WWP2: variants seen among roughly 807,000 people sequenced by gnomAD.
WWP2 encodes the protein WW domain containing E3 ubiquitin protein ligase 2, also known as NEDD4-like E3 ubiquitin-protein ligase WWP2.
In WWP2, 57 loss-of-function variants were observed where a neutral mutation model predicts 121.0. That is an observed-to-expected ratio of 0.47 (90% confidence interval 0.38 to 0.59). The LOEUF (loss-of-function observed/expected upper bound fraction) is 0.59. WWP2 is among the 20% of genes least tolerant of loss of function. The pLI, the probability that WWP2 is intolerant of heterozygous loss-of-function variation, is 0.00. For synonymous variants in WWP2, 449 were observed against 441.3 expected, an observed-to-expected ratio of 1.02 and a Z score of -0.22; for missense variants, 962 against 1,158.9, an observed-to-expected ratio of 0.83 and a Z score of 2.47.
chr16:69,893,067 A>T (rs2058053950), intron 8 of WWP2, among the ~76,000 whole-genome samples: 1 of 152,134 alleles, frequency 6.6e-6, no homozygotes, highest in Non-Finnish European at 1.5e-5. Context: ...CTCTCTCCGG[A>T]CTTAGGATCC....
chr16:69,857,093 A>G (rs1004794160), intron 6 of WWP2, among the ~76,000 whole-genome samples: 3 of 151,704 alleles, frequency 2.0e-5, no homozygotes, highest in African/African-American at 7.3e-5. Context: ...CCCATCTTTG[A>G]CTAACTTTCC....
chr16:69,906,300 C>G (rs369263991), intron 8 of WWP2, among the ~76,000 whole-genome samples: 1 of 152,080 alleles, frequency 6.6e-6, no homozygotes, highest in East Asian at 1.9e-4. Context: ...TCTTGATCTC[C>G]TGACCTTGTG....
chr16:69,775,841 A>C (rs1256046744), intron 1 of WWP2, among the ~76,000 whole-genome samples: 1 of 152,200 alleles, frequency 6.6e-6, no homozygotes, highest in Non-Finnish European at 1.5e-5. Context: ...AAATGAGATA[A>C]ATAGTCCATT....
chr16:69,839,990 G>A (rs921357198), intron 4 of WWP2, 136 bp from the exon 5 acceptor site: 12 of 1,275,814 alleles, frequency 9.4e-6, no homozygotes, highest in East Asian at 7.1e-5. Context: ...TCCATGCCAC[G>A]AGGCAAAATG....
At chr16:69,772,680 C>T (rs895630978) in intron 1 of WWP2, among the ~76,000 whole-genome samples, 20 of 152,080 alleles carry the variant, frequency 1.3e-4, no homozygotes, top group Non-Finnish European at 2.6e-4. Flanking sequence ...TGGGGCATTA[C>T]CATGGCATTG....
At position 69,794,505 on chromosome 16, in the gene WWP2, G is replaced by A. The variant is rs373645682; in HGVS notation, c.71-4177G>A. On this transcript the variant is annotated intron_variant, in intron 2 of 23. Transcript: ENST00000359154. ...GATTGCACCACTGCACTCCAGCCTG[G>A]GCAGCAGAGGGAGACCCGGTCTCAA... Among the ~76,000 whole-genome samples, 14 of 152,094 alleles carry A rather than the reference G, an allele frequency of 9.2e-5. No individual in the cohort carries two copies. The South Asian group carries it at 2.9e-3, about 32-fold the overall frequency.
chr16:69,800,923 C>T (rs867462536), intron 4 of WWP2, among the ~76,000 whole-genome samples: 47 of 149,062 alleles, frequency 3.2e-4, no homozygotes, highest in African/African-American at 9.3e-4. Context: ...TGGTAGCTCA[C>T]GCCTGTAATC....
At chr16:69,923,628 T>C (rs867691886) in intron 10 of WWP2, among the ~76,000 whole-genome samples, 2 of 152,262 alleles carry the variant, frequency 1.3e-5, no homozygotes, top group South Asian at 2.1e-4. Context: ...TTACAGATGA[T>C]CTACTGACTC....
chr16:69,772,135 A>AT (rs1481211879), intron 1 of WWP2, among the ~76,000 whole-genome samples: 3 of 150,648 alleles, frequency 2.0e-5, no homozygotes, highest in East Asian at 3.9e-4. Context: ...CTAATTTTGT[A>AT]TTTTTAGTAA....
chr16:69,822,613 T>G (rs1291208793), intron 4 of WWP2, among the ~76,000 whole-genome samples: 1 of 151,938 alleles, frequency 6.6e-6, no homozygotes, highest in East Asian at 1.9e-4. Flanking sequence ...AAGTGACACC[T>G]GGACACCAGA....
At chr16:69,889,146 T>TACACAC (rs143311481) in intron 8 of WWP2, among the ~76,000 whole-genome samples, 130 of 146,242 alleles carry the variant, frequency 8.9e-4, no homozygotes, top group African/African-American at 2.9e-3. Flanking sequence ...ATATCCTGCC[T>TACACAC]ACACACACAC....
intron 6 of WWP2, among the ~76,000 whole-genome samples, chr16:69,868,671 A>G (rs934708383): frequency 4.8e-5 from 7 of 145,306 alleles, no homozygotes; most frequent in East Asian, 4.0e-4. Flanking sequence ...GCACACACAC[A>G]CACACACACA....
intron 9 of WWP2, chr16:69,909,816 A>G: frequency 3.4e-6 from 2 of 590,482 alleles, no homozygotes; most frequent in Non-Finnish European, 2.1e-6. Flanking sequence ...ATAATGTTAC[A>G]AACCCCCACA....
chr16:69,838,827 C>T, intron 4 of WWP2: 1 of 985,450 alleles, frequency 1.0e-6, no homozygotes, highest in Non-Finnish European at 1.2e-6. Context: ...TTGGAGAGAT[C>T]CATGGCAGGG....
At position 69,939,019 on chromosome 16, in the gene WWP2, A is replaced by G; in HGVS notation, c.2344-8A>G. ...TGCCTGACTGTGCCTTGACTTGCGG[A>G]CTTCCAGGTGGTGAAGGAGATGGAC... On this transcript the variant is annotated splice_region_variant and splice_polypyrimidine_tract_variant and intron_variant, in intron 21 of 23. Transcript: ENST00000359154. The G allele has an allele frequency of 6.3e-7, 1 of 1,595,896 alleles. No individual in the cohort carries two copies. Among genetic ancestry groups the G allele is most frequent in the Non-Finnish European group, 8.5e-7 (1 of 1,170,228 alleles).
Position 69,925,262 on chromosome 16 carries a change from CAG to C in WWP2, c.1180-164_1180-163del, listed in dbSNP as rs905669844. 29 of 1,435,072 alleles carry C rather than the reference CAG, an allele frequency of 2.0e-5. No homozygotes were observed. The highest frequency in any genetic ancestry group is 1.0e-4 in the South Asian group (6 of 59,054). The allele number at this position is 1,435,072 out of a possible 1,614,324, so 88.9% of individuals were successfully genotyped here. On this transcript the variant is annotated intron_variant, in intron 10 of 23. Transcript: ENST00000359154. This position sits in a 1 kb window ranked among gnomAD's most constrained non-coding sequence, Gnocchi z 4.0. ...TTTCTGTAAAAATCAAAACAAAAAACAGAGACTTTTGAGAGGAGCAGATGCCA... is the reference window on the plus strand; with the variant it reads ...TTTCTGTAAAAATCAAAACAAAAAACAGACTTTTGAGAGGAGCAGATGCCA...
intron 19 of WWP2, chr16:69,936,851 G>A (rs1038619171): frequency 6.2e-6 from 3 of 486,974 alleles, no homozygotes; most frequent in Admixed American, 3.5e-5. Context: ...TTATCTCCAC[G>A]CTTCCATACG....
intron 4 of WWP2, among the ~76,000 whole-genome samples, chr16:69,833,430 G>A (rs548720992): frequency 6.6e-6 from 1 of 152,180 alleles, no homozygotes; most frequent in African/African-American, 2.4e-5. Flanking sequence ...GTGGTGATAT[G>A]TGTTTCCATC....
chr16:69,941,372 C>G lies in WWP2; in HGVS notation c.*1432C>G, dbSNP rs1197622741. 1.3e-5 allele frequency: 2 copies of G among 153,974 alleles called. No homozygotes were observed. The highest frequency in any genetic ancestry group is 2.9e-5 in the Non-Finnish European group (2 of 68,222). 9.5% of individuals were successfully genotyped at this position (153,974 alleles called of 1,614,324 possible). A position where few individuals can be genotyped will look rare whatever the true frequency, so the allele number is the denominator to read the frequency against. ...CACAGTCTCCATGCTCCCAGATTCT[C>G]GACCTTCCCCCGGCCCGGGAGGTGC... On this transcript the variant is annotated 3_prime_UTR_variant, in exon 24 of 24. Coordinates refer to ENST00000359154, the MANE Select transcript of WWP2 (RefSeq NM_001270454.2).
Sources: allele counts gnomAD v4.1 joint callset (sites outside exome capture counted in the v4.1 genomes callset), GRCh38; gene constraint gnomAD v4.1.1; non-coding constraint Gnocchi (gnomAD v3.1); transcripts MANE v1.5; gene names NCBI Gene and HGNC (gene_info 2026-07-23, HGNC 2026-07-21).